The following TEK variants were observed in gnomAD, a reference collection of about 807,000 sequenced individuals.
TEK encodes TEK receptor tyrosine kinase.
TEK carries 43 observed loss-of-function variants against 131.8 expected under a neutral mutation model. The observed-to-expected ratio is 0.33, with a 90% CI of 0.26 to 0.42. The LOEUF (loss-of-function observed/expected upper bound fraction) is 0.42. TEK is among the 10% of genes least tolerant of loss of function. The pLI is 1.00. For missense variants in TEK, 1,162 were observed against 1,384.4 expected (o/e 0.84, Z 2.55); for synonymous variants, 580 against 491.6 (o/e 1.18, Z -2.38).
intron 4 of TEK, among the ~76,000 whole-genome samples, chr9:27,171,211 A>T (rs962841351): frequency 2.2e-4 from 34 of 152,292 alleles, no homozygotes; most frequent in Admixed American, 2.2e-3. Context: ...ATAGAAAGAA[A>T]ATGATTTGCC....
chr9:27,127,603 T>G (rs1168584102), intron 1 of TEK, among the ~76,000 whole-genome samples: 1 of 152,228 alleles, frequency 6.6e-6, no homozygotes, highest in Non-Finnish European at 1.5e-5. Flanking sequence ...ACCAACAGTG[T>G]AAAAACGTTC....
At chr9:27,112,844 T>G (rs1218413733) in intron 1 of TEK, among the ~76,000 whole-genome samples, 1 of 152,202 alleles carries the variant, frequency 6.6e-6, no homozygotes, top group African/African-American at 2.4e-5. Context: ...GTTCAAGAAA[T>G]AAGTTATGTA....
At chr9:27,123,952 T>A (rs1821893498) in intron 1 of TEK, among the ~76,000 whole-genome samples, 1 of 152,322 alleles carries the variant, frequency 6.6e-6, no homozygotes, top group South Asian at 2.1e-4. Flanking sequence ...AATTTTTGTA[T>A]TTTTAGTAGA....
chr9:27,191,817 T>C, intron 10 of TEK: 1 of 403,182 alleles, frequency 2.5e-6, no homozygotes, highest in African/African-American at 2.1e-5. Flanking sequence ...CACCTTTGTC[T>C]ACAAGTGGAC....
At chr9:27,221,351 A>C (rs1266102373) in intron 21 of TEK, among the ~76,000 whole-genome samples, 1 of 152,224 alleles carries the variant, frequency 6.6e-6, no homozygotes, top group Non-Finnish European at 1.5e-5. Flanking sequence ...TAGCTTCAGC[A>C]GACTTAAACG....
rs568721849 is a variant in TEK, at chr9:27,112,856, A to T, written c.52+3214A>T. Among the ~76,000 whole-genome samples the T allele has an allele frequency of 3.2e-4, 49 of 152,362 alleles. No homozygotes were observed. In the South Asian group the frequency reaches 0.01, roughly 32 times the overall value. On this transcript the variant is annotated intron_variant, in intron 1 of 22. Transcript: ENST00000380036. Reference sequence around the variant, plus strand: ...TGGGTTCAAGAAATAAGTTATGTATATTTAATGTGGGAGAGACCTGGTTTG... The same window carrying T: ...TGGGTTCAAGAAATAAGTTATGTATTTTTAATGTGGGAGAGACCTGGTTTG...
intron 20 of TEK, among the ~76,000 whole-genome samples, chr9:27,219,553 TAGATGATGGGTCGATA>T (rs1825967024): frequency 6.6e-6 from 1 of 152,114 alleles, no homozygotes; most frequent in South Asian, 2.1e-4. Context: ...GCTTAAAACC[TAGATGATGGGTCGATA>T]GGTGCAGCAA....
At chr9:27,110,325 G>T (rs1485463050) in intron 1 of TEK, among the ~76,000 whole-genome samples, 4 of 152,124 alleles carry the variant, frequency 2.6e-5, no homozygotes, top group Admixed American at 2.6e-4. Flanking sequence ...TTTAACACAG[G>T]AGAGTATATG....
chr9:27,184,490 A>G (rs1448332600), intron 8 of TEK, among the ~76,000 whole-genome samples: 2 of 152,178 alleles, frequency 1.3e-5, no homozygotes, highest in Non-Finnish European at 2.9e-5. Context: ...AGGAATATGT[A>G]GAATGTACCA....
chr9:27,179,769 C>G (rs149344081), intron 6 of TEK, among the ~76,000 whole-genome samples: 1 of 152,304 alleles, frequency 6.6e-6, no homozygotes, highest in African/African-American at 2.4e-5. Flanking sequence ...TTTTCCCTCT[C>G]TCTCCAGTGG....
intron 4 of TEK, 55 bp from the exon 5 acceptor site, chr9:27,172,561 G>C (rs1823996851): frequency 1.2e-6 from 2 of 1,607,482 alleles, no homozygotes; most frequent in Admixed American, 3.4e-5. Context: ...GCTCAATAAA[G>C]ATGTGTTGAG....
At chr9:27,190,855 C>A (rs775887203) in intron 10 of TEK, among the ~76,000 whole-genome samples, 165 bp downstream of exon 10, 2 of 152,122 alleles carry the variant, frequency 1.3e-5, no homozygotes, top group Non-Finnish European at 2.9e-5. Flanking sequence ...TGCAGGGGGC[C>A]CCTGAGCTCT....
chr9:27,130,287 G>A (rs932904626), intron 1 of TEK, among the ~76,000 whole-genome samples: 1 of 152,020 alleles, frequency 6.6e-6, no homozygotes, highest in Non-Finnish European at 1.5e-5. Flanking sequence ...CAAATCAATG[G>A]AGAAAGAAAT....
At chr9:27,120,322 C>T (rs1458872962) in intron 1 of TEK, among the ~76,000 whole-genome samples, 1 of 152,266 alleles carries the variant, frequency 6.6e-6, no homozygotes, top group East Asian at 1.9e-4. Flanking sequence ...ATGCCCTTGT[C>T]ACCTCTTCTT....
At chr9:27,198,517 G>C (rs954102700) in intron 12 of TEK, 3 of 152,222 alleles carry the variant, frequency 2.0e-5, no homozygotes, top group Non-Finnish European at 2.9e-5. Context: ...TGTTTTGTCA[G>C]TGTTTAGGAA....
intron 1 of TEK, among the ~76,000 whole-genome samples, chr9:27,120,005 T>A (rs2131038801): frequency 6.6e-6 from 1 of 152,312 alleles, no homozygotes; most frequent in East Asian, 1.9e-4. Context: ...TCCATTCTAC[T>A]TTGTGTCCAA....
At chr9:27,139,226 C>A (rs2027123) in intron 1 of TEK, among the ~76,000 whole-genome samples, 34,246 of 104,770 alleles carry the variant, frequency 0.33, 8,199 homozygotes, top group African/African-American at 0.42. Flanking sequence ...AAAAAAAAAA[C>A]AGTAGGATTC....
chr9:27,198,674 T>G (rs1298349439), intron 12 of TEK, among the ~76,000 whole-genome samples: 1 of 152,286 alleles, frequency 6.6e-6, no homozygotes, highest in African/African-American at 2.4e-5. Context: ...TGTTGTTGAC[T>G]TATGTAATAA....
chr9:27,211,128 AAT>A (rs1554701037), intron 16 of TEK, among the ~76,000 whole-genome samples: 6,708 of 123,306 alleles, frequency 0.054, 173 homozygotes, highest in East Asian at 0.089. Context: ...TTTAAAAAAA[AAT>A]ATATATATAT....
Sources: gnomAD v4.1 joint callset for allele counts (sites outside exome capture counted in the v4.1 genomes callset) on GRCh38, gnomAD v4.1.1 for gene constraint, MANE v1.5 for transcripts, NCBI Gene and HGNC (gene_info 2026-07-23, HGNC 2026-07-21) for gene names.